PCDH9: variants seen among roughly 807,000 people sequenced by gnomAD.
PCDH9 encodes protocadherin 9.
A neutral mutation model predicts 70.6 loss-of-function variants in PCDH9; 24 were observed. That is an observed-to-expected ratio of 0.34 (90% CI 0.25 to 0.48). The LOEUF is 0.48. PCDH9 is among the 20% of genes least tolerant of loss of function. PCDH9 has a pLI of 0.99. For synonymous variants in PCDH9, 562 were observed against 558.5 expected, an observed-to-expected ratio of 1.01 and a Z score of -0.09; for missense variants, 1,281 against 1,503.6, an observed-to-expected ratio of 0.85 and a Z score of 2.45.
At chr13:67,204,114 C>G (rs1297658234) in intron 2 of PCDH9, 1 of 152,000 alleles carries the variant, frequency 6.6e-6, no homozygotes, top group Non-Finnish European at 1.5e-5. Flanking sequence ...TGCATCTAAT[C>G]TGTTTTTCTT....
intron 2 of PCDH9, among the ~76,000 whole-genome samples, chr13:66,929,210 A>T (rs879922076): frequency 6.6e-6 from 1 of 152,028 alleles, no homozygotes; most frequent in Non-Finnish European, 1.5e-5. Flanking sequence ...ATAAATTTTT[A>T]TGCTCTTATA....
intron 2 of PCDH9, among the ~76,000 whole-genome samples, chr13:67,054,292 G>A (rs555091462): frequency 2.6e-5 from 4 of 152,150 alleles, no homozygotes; most frequent in Non-Finnish European, 5.9e-5. Context: ...TTTTTAATTT[G>A]CAAATAAAGA....
intron 4 of PCDH9, among the ~76,000 whole-genome samples, chr13:66,549,245 C>T (rs1025408811): frequency 2.6e-5 from 4 of 151,866 alleles, no homozygotes; most frequent in Non-Finnish European, 2.9e-5. Flanking sequence ...GCAGCATTTT[C>T]GGTTAGCTTT....
intron 4 of PCDH9, among the ~76,000 whole-genome samples, chr13:66,517,719 T>G (rs1941940077): frequency 6.6e-6 from 1 of 152,160 alleles, no homozygotes; most frequent in African/African-American, 2.4e-5. Flanking sequence ...AAGCTCTATT[T>G]TAGTAGCGAA....
intron 4 of PCDH9, among the ~76,000 whole-genome samples, chr13:66,426,830 A>C (rs1455093552): frequency 2.0e-5 from 3 of 151,588 alleles, no homozygotes; most frequent in African/African-American, 7.2e-5. Flanking sequence ...TTGTGTAAAA[A>C]ATGTCCAAGC....
At chr13:66,787,132 T>G (rs2080092392) in intron 3 of PCDH9, among the ~76,000 whole-genome samples, 2 of 152,188 alleles carry the variant, frequency 1.3e-5, no homozygotes, top group African/African-American at 4.8e-5. Flanking sequence ...TATTTTTGTG[T>G]GCAGTTAATC....
intron 4 of PCDH9, among the ~76,000 whole-genome samples, chr13:66,530,106 A>G (rs1960386094): frequency 6.6e-6 from 1 of 152,070 alleles, no homozygotes; most frequent in African/African-American, 2.4e-5. Flanking sequence ...TTAAGAAATG[A>G]TATCTCTGCT....
At chr13:66,899,030 C>T (rs1264310890) in intron 3 of PCDH9, among the ~76,000 whole-genome samples, 1 of 151,988 alleles carries the variant, frequency 6.6e-6, no homozygotes, top group East Asian at 1.9e-4. Context: ...TAGTTTAATA[C>T]ATGGGAGTTC....
intron 4 of PCDH9, among the ~76,000 whole-genome samples, chr13:66,461,487 T>C (rs1278424105): frequency 6.6e-6 from 1 of 151,608 alleles, no homozygotes; most frequent in Non-Finnish European, 1.5e-5. Context: ...TAACTTATAT[T>C]TTTTAATGCA....
intron 3 of PCDH9, among the ~76,000 whole-genome samples, chr13:66,776,546 A>G (rs2079897127): frequency 6.6e-6 from 1 of 151,990 alleles, no homozygotes; most frequent in African/African-American, 2.4e-5. Context: ...CAAAGAGAAT[A>G]AAATACCTAG....
At chr13:66,855,984 T>C (rs2081388719) in intron 3 of PCDH9, among the ~76,000 whole-genome samples, 1 of 151,842 alleles carries the variant, frequency 6.6e-6, no homozygotes, top group Non-Finnish European at 1.5e-5. Flanking sequence ...ATGAACATGG[T>C]TTACTAAGTT....
At chr13:67,085,095 T>C (rs954160678) in intron 2 of PCDH9, among the ~76,000 whole-genome samples, 4 of 144,610 alleles carry the variant, frequency 2.8e-5, no homozygotes, top group Non-Finnish European at 4.5e-5. Context: ...TGGTAACATA[T>C]ACCCTAACTG....
At chr13:66,322,755 T>A (rs1955777560) in intron 4 of PCDH9, among the ~76,000 whole-genome samples, 1 of 152,068 alleles carries the variant, frequency 6.6e-6, no homozygotes, top group Non-Finnish European at 1.5e-5. Flanking sequence ...AGTGATTTTA[T>A]AATTAGTATT....
intron 2 of PCDH9, among the ~76,000 whole-genome samples, chr13:66,990,635 A>C (rs2083983645): frequency 6.7e-6 from 1 of 150,148 alleles, no homozygotes; most frequent in South Asian, 2.1e-4. Flanking sequence ...AAAAACATGT[A>C]TACATAAATA....
At chr13:66,379,526 A>T (rs1956805987) in intron 4 of PCDH9, among the ~76,000 whole-genome samples, 1 of 152,190 alleles carries the variant, frequency 6.6e-6, no homozygotes, top group East Asian at 1.9e-4. Context: ...ATTACACATG[A>T]CAGTTTCTTT....
intron 4 of PCDH9, among the ~76,000 whole-genome samples, chr13:66,525,678 T>C (rs927189076): frequency 6.6e-6 from 1 of 152,142 alleles, no homozygotes; most frequent in African/African-American, 2.4e-5. Context: ...CAACTTTGTA[T>C]GTCTCATTAA....
At chr13:66,824,616 T>C (rs541864107) in intron 3 of PCDH9, among the ~76,000 whole-genome samples, 6 of 129,896 alleles carry the variant, frequency 4.6e-5, no homozygotes, top group Admixed American at 4.0e-4. Context: ...GATAATGCCA[T>C]TGCACTCCAA....
chr13:66,474,779 A>C (rs1958689022), intron 4 of PCDH9, among the ~76,000 whole-genome samples: 1 of 152,032 alleles, frequency 6.6e-6, no homozygotes, highest in Non-Finnish European at 1.5e-5. Flanking sequence ...TTAGGCTGGG[A>C]GTCACTACAA....
chr13:66,813,601 A>G (rs1187982005), intron 3 of PCDH9, among the ~76,000 whole-genome samples: 1 of 152,134 alleles, frequency 6.6e-6, no homozygotes, highest in Non-Finnish European at 1.5e-5. Flanking sequence ...TATTGTACAT[A>G]TAAATAAAAA....
Sources: gnomAD v4.1 joint callset for allele counts (sites outside exome capture counted in the v4.1 genomes callset) on GRCh38, gnomAD v4.1.1 for gene constraint, MANE v1.5 for transcripts, NCBI Gene and HGNC (gene_info 2026-07-23, HGNC 2026-07-21) for gene names.